The following CACNA1G variants were observed in gnomAD, a reference collection of about 807,000 sequenced individuals.
The protein encoded by CACNA1G is voltage-dependent T-type calcium channel subunit alpha-1G.
Under a neutral mutation model 219.4 loss-of-function variants are expected in CACNA1G, and 67 were observed. That is an observed-to-expected ratio of 0.31 (90% confidence interval 0.25 to 0.37). CACNA1G has a LOEUF of 0.37. CACNA1G is among the 10% of genes least tolerant of loss of function. The pLI is 1.00. For missense variants in CACNA1G, 2,380 were observed against 3,231.4 expected, an observed-to-expected ratio of 0.74 and a Z score of 6.39; for synonymous variants, 1,296 against 1,345.3, an observed-to-expected ratio of 0.96 and a Z score of 0.80.
At position 50,571,107 on chromosome 17, in the gene CACNA1G, G is replaced by A. The variant is rs1012984840; in HGVS notation, c.587-771G>A. Among the ~76,000 whole-genome samples, 3 of 152,056 alleles carry A rather than the reference G, an allele frequency of 2.0e-5. No homozygotes were observed. The highest frequency in any genetic ancestry group is 6.6e-5 in the Admixed American group (1 of 15,264). ...ACCCTAACAGGGCTTTTGAGGAGGG[G>A]GTTTCAGTGGCTTTCCCTATGGAGG... On this transcript the variant is annotated intron_variant, in intron 4 of 37. Transcript: ENST00000359106. The surrounding 1 kb of genome is among the most constrained non-coding windows in gnomAD (Gnocchi z 4.3).
intron 8 of CACNA1G, among the ~76,000 whole-genome samples, chr17:50,576,685 T>A (rs1202887088): frequency 4.6e-5 from 7 of 152,208 alleles, no homozygotes; most frequent in African/African-American, 1.7e-4. Context: ...GTGATAGGCT[T>A]TCTTAGCATC....
intron 2 of CACNA1G, 36 bp downstream of exon 2, chr17:50,569,017 G>GTGTGTGTGTTGTA (rs771736617): frequency 8.8e-6 from 12 of 1,359,138 alleles, no homozygotes; most frequent in Non-Finnish European, 1.2e-5. Context: ...TGTGTGTGTT[G>GTGTGTGTGTTGTA]TGTGTGTTGG....
At position 50,624,050 on chromosome 17, in the gene CACNA1G, C is replaced by T. The variant is rs1201656282; in HGVS notation, c.6204C>T (p.Gly2068=). ...CCGAGGGGCCCCTGGGACACAGGGG[C>T]TGGGGGCTCCCCAAAGCTCAGTCAG... ...STAEGPLGHR[G]WGLPKAQSGS... is the part of the protein sequence containing the mutation. Residue 2068 remains glycine, a synonymous_variant, in exon 36 of 38, where the codon GGC becomes GGT. Coordinates refer to ENST00000359106, the MANE Select transcript of CACNA1G (RefSeq NM_018896.5). 3.7e-6 allele frequency: 6 copies of T among 1,612,708 alleles called. No homozygotes were observed. The East Asian group carries it at 1.1e-4, about 30-fold the overall frequency.
At chr17:50,577,649 G>A (rs1196171009) in intron 8 of CACNA1G, among the ~76,000 whole-genome samples, 1 of 151,876 alleles carries the variant, frequency 6.6e-6, no homozygotes, top group East Asian at 1.9e-4. Flanking sequence ...GTGTGAATGT[G>A]TTTGTGCACA....
rs1036144344 is a variant in CACNA1G at position 50,572,743 on chromosome 17, C to G, written c.936C>G (p.Thr312=). The G allele has an allele frequency of 1.9e-6, 3 of 1,614,016 alleles. No homozygotes were observed. The highest frequency in any genetic ancestry group is 2.2e-5 in the South Asian group (2 of 91,082). The change falls in exon 6 of 38, where the codon ACC becomes ACG. Residue 312 remains threonine (T), a synonymous_variant. Transcript: ENST00000359106. ...YEAYNSSSNT[T]CVNWNQYYTN... ...CCTACAACAGCTCCAGCAACACCAC[C>G]TGTGTCAACTGGAACCAGTACTACA...
rs570419862 is a variant in CACNA1G, at chr17:50,606,423, T to C, written c.4422+400T>C. ...CAGCTGACTTACCAGGGCCTCAGTT[T>C]CATTAACTGGTGAATGGAGTCATAA... On this transcript the variant is annotated intron_variant, in intron 23 of 37. Coordinates refer to ENST00000359106, the MANE Select transcript of CACNA1G (RefSeq NM_018896.5). The C allele has an allele frequency of 1.8e-5, 11 of 595,056 alleles. No homozygotes were observed. The East Asian group carries it at 2.8e-4, about 15-fold the overall frequency. 36.9% of individuals were successfully genotyped at this position (595,056 alleles called of 1,614,324 possible). A position where few individuals can be genotyped will look rare whatever the true frequency, so the allele number is the denominator to read the frequency against.
At chr17:50,623,439 C>T in intron 35 of CACNA1G, among the ~76,000 whole-genome samples, 1 of 152,004 alleles carries the variant, frequency 6.6e-6, no homozygotes, top group African/African-American at 2.4e-5. Context: ...TTTTAATCCT[C>T]CCCTGAGCTG....
Position 50,617,540 on chromosome 17 carries a change from C to T in CACNA1G, c.5124C>T (p.Ile1708=). 1 of 1,614,064 alleles carries T rather than the reference C, an allele frequency of 6.2e-7. No individual in the cohort carries two copies. The highest frequency in any genetic ancestry group is 8.5e-7 in the Non-Finnish European group (1 of 1,179,906). The change falls in exon 29 of 38, where the codon ATC becomes ATT. Residue 1708 remains isoleucine (I), a synonymous_variant. Coordinates refer to ENST00000359106, the MANE Select transcript of CACNA1G (RefSeq NM_018896.5). This position sits in a 1 kb window ranked among gnomAD's most constrained non-coding sequence, Gnocchi z 5.8. Reference sequence around the variant, plus strand: ...CGCTGCCCATCAACCCCACCATCATCCGCATCATGAGGGTGCTGCGCATTG... The same window carrying T: ...CGCTGCCCATCAACCCCACCATCATTCGCATCATGAGGGTGCTGCGCATTG... The part of the protein sequence containing the change: ...NASLPINPTI[I]RIMRVLRIAR...
At chr17:50,614,486 G>A (rs1325964817) in intron 26 of CACNA1G, among the ~76,000 whole-genome samples, 1 of 152,214 alleles carries the variant, frequency 6.6e-6, no homozygotes, top group Admixed American at 6.5e-5. Context: ...CCTGGAAGAG[G>A]GCCCCCCTGA....
At position 50,626,716 on chromosome 17, in the gene CACNA1G, G is replaced by A. The variant is rs772947233; in HGVS notation, c.7099G>A (p.Gly2367Ser). The change falls in exon 38 of 38, where the codon GGT becomes AGT. Residue 2367 changes from glycine to serine, a missense_variant. Physicochemically the swap from Gly to Ser is moderately conservative, Grantham distance 56. This residue lies in a region of CACNA1G where 672 missense variants were observed against 670.5 expected (regional missense o/e 1.00). Transcript: ENST00000359106. The surrounding 1 kb of genome is among the most constrained non-coding windows in gnomAD (Gnocchi z 4.3). ...SPKKDVLSLS[G>S]LSSDPADLDP is the part of the protein sequence containing the mutation. ...AAAGAAAGATGTGCTGAGTCTCTCC[G>A]GTTTATCCTCTGACCCAGCAGACCT... 114 of 1,613,084 alleles carry A rather than the reference G, an allele frequency of 7.1e-5. 2 individuals carry two copies. In the Middle Eastern group the frequency reaches 8.2e-4, roughly 12 times the overall value.
chr17:50,626,478 C>G lies in CACNA1G; in HGVS notation c.6861C>G (p.Pro2287=). ...SGSQPHLGTD[P]SNLGGQPLGG... is the part of the protein sequence containing the mutation. ...CCCAACCCCACCTGGGCACAGACCC[C>G]TCTAACCTTGGGGGCCAGCCTCTTG... is the stretch of plus-strand genomic sequence containing the variant. The change falls in exon 38 of 38, where the codon CCC becomes CCG. Residue 2287 remains proline, a synonymous_variant. Coordinates refer to ENST00000359106, the MANE Select transcript of CACNA1G (RefSeq NM_018896.5). The surrounding 1 kb of genome is among the most constrained non-coding windows in gnomAD (Gnocchi z 4.3). 6.3e-7 allele frequency: 1 copy of G among 1,596,530 alleles called. No individual in the cohort carries two copies. Among genetic ancestry groups the G allele is most frequent in the Non-Finnish European group, 8.5e-7 (1 of 1,172,362 alleles).
At chr17:50,623,294 T>TTTTAA (rs2052675943) in intron 35 of CACNA1G, among the ~76,000 whole-genome samples, 2 of 110,402 alleles carry the variant, frequency 1.8e-5, no homozygotes, top group African/African-American at 3.2e-5. Context: ...TTTTTTTTTT[T>TTTTAA]AGAAATGGGG....
chr17:50,596,850 T>A lies in CACNA1G; in HGVS notation c.3185T>A (p.Leu1062Gln), dbSNP rs1267190143. ...ACCAGCACGGGCCTGGGCGAGGCGC[T>A]GGGCCCTGCGTCGCGCCGCACCAGC... ...KSTSTGLGEA[L>Q]GPASRRTSSS... Residue 1062 changes from leucine to glutamine, a missense_variant, in exon 16 of 38, where the codon CTG (leucine) becomes CAG (glutamine). Around this residue, in one of 17 missense-constraint regions of CACNA1G, gnomAD observed 418 missense variants for 434.3 expected, o/e 0.96. Transcript: ENST00000359106. The surrounding 1 kb of genome is among the most constrained non-coding windows in gnomAD (Gnocchi z 4.8). 2 of 1,603,886 alleles carry A rather than the reference T, an allele frequency of 1.2e-6. No individual in the cohort carries two copies. Among genetic ancestry groups the A allele is most frequent in the East Asian group, 4.5e-5 (2 of 44,424 alleles).
Position 50,617,406 on chromosome 17 carries a change from C to A in CACNA1G, c.5022-32C>A. 2 of 1,590,146 alleles carry A rather than the reference C, an allele frequency of 1.3e-6. No individual in the cohort carries two copies. Among genetic ancestry groups the A allele is most frequent in the Non-Finnish European group, 1.7e-6 (2 of 1,163,250 alleles). On this transcript the variant is annotated intron_variant, in intron 28 of 37. Coordinates refer to ENST00000359106, the MANE Select transcript of CACNA1G (RefSeq NM_018896.5). The surrounding 1 kb of genome is among the most constrained non-coding windows in gnomAD (Gnocchi z 5.8). ...CCCCTCCTTCAGGAACCCCCTCCCC[C>A]AACTCAGGGAGCTGTATTCTGGGCT...
At chr17:50,588,771 C>T (rs1225275885) in intron 9 of CACNA1G, among the ~76,000 whole-genome samples, 1 of 152,238 alleles carries the variant, frequency 6.6e-6, no homozygotes, top group Non-Finnish European at 1.5e-5. Flanking sequence ...CCTGACTCTG[C>T]CCCCAGGCCT....
intron 1 of CACNA1G, among the ~76,000 whole-genome samples, chr17:50,566,025 C>A (rs1232725315): frequency 6.6e-6 from 1 of 152,130 alleles, no homozygotes; most frequent in East Asian, 1.9e-4. Context: ...CTATGGCAAC[C>A]AGTGTCCCCC....
intron 2 of CACNA1G, 61 bp from the exon 3 acceptor site, chr17:50,569,104 G>A: frequency 1.9e-6 from 3 of 1,587,078 alleles, no homozygotes; most frequent in South Asian, 2.3e-5. Context: ...GACTAGGGTG[G>A]GACTAGAGGG....
Position 50,610,010 on chromosome 17 carries a change from A to G in CACNA1G, c.4759+75A>G, listed in dbSNP as rs980678891. 2.1e-6 allele frequency: 3 copies of G among 1,441,186 alleles called. No homozygotes were observed. In the African/African-American group the frequency reaches 4.2e-5, roughly 20 times the overall value. The allele number at this position is 1,441,186 out of a possible 1,614,324, so 89.3% of individuals were successfully genotyped here. A position where few individuals can be genotyped will look rare whatever the true frequency, so the allele number is the denominator to read the frequency against. On this transcript the variant is annotated intron_variant, in intron 26 of 37. Coordinates refer to ENST00000359106, the MANE Select transcript of CACNA1G (RefSeq NM_018896.5). ...TCCCTCCCCGTGGCTCATTGATTCT[A>G]TCCTCTTGGGGTGAAAGGGTGAGGG... is the stretch of plus-strand genomic sequence containing the variant.
intron 26 of CACNA1G, among the ~76,000 whole-genome samples, chr17:50,612,644 A>G (rs193229723): frequency 6.6e-6 from 1 of 151,974 alleles, no homozygotes; most frequent in East Asian, 1.9e-4. Flanking sequence ...CCCTTTGCAA[A>G]CCCTCCGCCC....
Sources: gnomAD v4.1 joint callset for allele counts (sites outside exome capture counted in the v4.1 genomes callset) on GRCh38, gnomAD v4.1.1 for gene constraint, gnomAD v4.1.1 regional missense constraint, Gnocchi (gnomAD v3.1) non-coding constraint, MANE v1.5 for transcripts, NCBI Gene and HGNC (gene_info 2026-07-23, HGNC 2026-07-21) for gene names.